OGDHL: variants seen among roughly 807,000 people sequenced by gnomAD.
The protein encoded by OGDHL is oxoglutarate dehydrogenase L, also known as 2-oxoglutarate dehydrogenase-like, mitochondrial.
In OGDHL, 79 loss-of-function variants were observed where a neutral mutation model predicts 109.6. That is an observed-to-expected ratio of 0.72 (90% CI 0.60 to 0.87). The LOEUF (loss-of-function observed/expected upper bound fraction) is 0.87. Among genes scored for constraint, OGDHL ranks in the 40% least tolerant of loss-of-function variants. The pLI, the probability that OGDHL is intolerant of heterozygous loss-of-function variation, is 0.00. For synonymous variants in OGDHL, 528 were observed against 537.2 expected (o/e 0.98, Z 0.24); for missense variants, 1,275 against 1,362.2 (o/e 0.94, Z 1.01).
chr10:49,758,360 G>T, intron 2 of OGDHL, 29 bp downstream of exon 2: 1 of 1,583,486 alleles, frequency 6.3e-7, no homozygotes, highest in South Asian at 1.2e-5. Context: ...CTCCCTTGCG[G>T]TGGCCCAGGG....
intron 20 of OGDHL, 67 bp downstream of exon 20, chr10:49,737,719 G>T (rs1189197592): frequency 6.4e-6 from 10 of 1,560,830 alleles, no homozygotes; most frequent in Non-Finnish European, 8.8e-6. Context: ...AGCCCCAGAA[G>T]CAGAAGCCAC....
chr10:49,745,090 C>T (rs1201302327), intron 12 of OGDHL, among the ~76,000 whole-genome samples: 1 of 152,254 alleles, frequency 6.6e-6, no homozygotes, highest in Non-Finnish European at 1.5e-5. Context: ...CTGCCTCCTA[C>T]AGGAAGCCTT....
chr10:49,744,339 G>A (rs778153863), intron 13 of OGDHL, among the ~76,000 whole-genome samples: 18 of 152,146 alleles, frequency 1.2e-4, no homozygotes, highest in Non-Finnish European at 2.2e-4. Flanking sequence ...CAGGGTAACA[G>A]CTCTTCTAAC....
chr10:49,756,749 C>CAGGAGCACAGTG, intron 3 of OGDHL, 27 bp downstream of exon 3: 3 of 1,601,720 alleles, frequency 1.9e-6, no homozygotes, highest in Non-Finnish European at 2.6e-6. Context: ...GTGCAGCCTC[C>CAGGAGCACAGTG]CAGGCTGTGC....
At position 49,739,625 on chromosome 10, in the gene OGDHL, AC is replaced by A. The variant is rs753957991; in HGVS notation, c.2319+35del. ...TCCCGCCCCTTCAAGGCCCGCCAGA[AC>A]CCACCAAGCCACCAGCCACCACCGC... is the stretch of plus-strand genomic sequence containing the variant. On this transcript the variant is annotated intron_variant, in intron 17 of 22. Coordinates refer to ENST00000374103, the MANE Select transcript of OGDHL (RefSeq NM_018245.3). 94 of 1,602,500 alleles carry A rather than the reference AC, an allele frequency of 5.9e-5. 2 individuals carry two copies. In the South Asian group the frequency reaches 1.1e-3, roughly 18 times the overall value.
At chr10:49,752,367 T>C in intron 4 of OGDHL, 119 bp from the exon 5 acceptor site, 1 of 801,126 alleles carries the variant, frequency 1.2e-6, no homozygotes, top group Non-Finnish European at 2.1e-6. Context: ...TCCCTCTGGG[T>C]CCAACCTGGG....
At chr10:49,758,694 G>C in intron 1 of OGDHL, 101 bp from the exon 2 acceptor site, 4 of 1,178,296 alleles carry the variant, frequency 3.4e-6, no homozygotes, top group Non-Finnish European at 4.9e-6. Flanking sequence ...CATTCCCACT[G>C]GGCAGATGGT....
At chr10:49,757,165 T>C (rs1353958833) in intron 2 of OGDHL, among the ~76,000 whole-genome samples, 1 of 152,248 alleles carries the variant, frequency 6.6e-6, no homozygotes, top group Non-Finnish European at 1.5e-5. Flanking sequence ...CATAGAAAAC[T>C]GGCTAAATAA....
chr10:49,760,453 G>T (rs751807014), intron 1 of OGDHL, among the ~76,000 whole-genome samples: 3 of 152,222 alleles, frequency 2.0e-5, no homozygotes, highest in Non-Finnish European at 4.4e-5. Context: ...AGAGAAGGTC[G>T]TGCCAGCCCA....
In OGDHL at chr10:49,740,739, T is replaced by C. The variant is rs1393771041; in HGVS notation, c.2111A>G (p.Asn704Ser). 2.5e-6 allele frequency: 4 copies of C among 1,613,830 alleles called. No individual in the cohort carries two copies. The South Asian group carries it at 4.4e-5, about 18-fold the overall frequency. Residue 704 changes from asparagine (N) to serine (S), a missense_variant, in exon 16 of 23, where the codon AAC (asparagine) becomes AGC (serine). By Grantham distance (46) the Asn-to-Ser change is conservative (BLOSUM62 1). Transcript: ENST00000374103. ...WPDQAPYTVC[N>S]SSLSEYGVLG... Reference sequence around the variant, plus strand: ...GACTCCGTACTCCGAGAGGGAGCTGTTGCACACGGTGTACGGGGCCTGGTC... The same window carrying C: ...GACTCCGTACTCCGAGAGGGAGCTGCTGCACACGGTGTACGGGGCCTGGTC...
At chr10:49,748,383 ATG>A (rs372797706) in intron 8 of OGDHL, among the ~76,000 whole-genome samples, 175 of 152,336 alleles carry the variant, frequency 1.1e-3, no homozygotes, top group African/African-American at 4.1e-3. Flanking sequence ...TCAGCATGAA[ATG>A]TTTCTAGAAG....
At position 49,744,662 on chromosome 10, in the gene OGDHL, A is replaced by C. The variant is rs1226729118; in HGVS notation, c.1720T>G (p.Ser574Ala). ...KILHIKHWLD[S>A]PWPGFFNVDG... ...ACTGCTCGCTCACCAGGCCAGGGGG[A>C]GTCCAACCAGTGCTTTATATGCAGA... Residue 574 changes from serine (S) to alanine (A), a missense_variant, in exon 13 of 23, where the codon TCC becomes GCC. Ser to Ala is a moderately conservative substitution (Grantham distance 99). Transcript: ENST00000374103. The C allele has an allele frequency of 6.2e-7, 1 of 1,613,674 alleles. No homozygotes were observed. The highest frequency in any genetic ancestry group is 8.5e-7 in the Non-Finnish European group (1 of 1,179,600).
Position 49,738,065 on chromosome 10 carries a change from G to C in OGDHL, c.2399C>G (p.Thr800Ser). The change falls in exon 19 of 23, where the codon ACC becomes AGC. Residue 800 changes from threonine (T) to serine (S), a missense_variant. Physicochemically the swap from Thr to Ser is moderately conservative, Grantham distance 58. Coordinates refer to ENST00000374103, the MANE Select transcript of OGDHL (RefSeq NM_018245.3). ...GAGCTGGCTCACCTCGAAGTCCTTG[G>C]TGAATGCCTGTGGGGACGAGATGCA... ...NDDSDAYPAF[T>S]KDFEVSQLYD... The C allele has an allele frequency of 6.2e-7, 1 of 1,614,168 alleles. No individual in the cohort carries two copies. The highest frequency in any genetic ancestry group is 1.3e-5 in the African/African-American group (1 of 75,050).
intron 7 of OGDHL, 105 bp downstream of exon 7, chr10:49,750,734 C>A (rs1002670926): frequency 7.1e-7 from 1 of 1,408,680 alleles, no homozygotes; most frequent in Non-Finnish European, 9.4e-7. Context: ...ACCTCTACCC[C>A]CAGGTCCCAC....
chr10:49,744,707 T>C lies in OGDHL; in HGVS notation c.1675A>G (p.Arg559Gly). Residue 559 changes from arginine (R) to glycine (G), a missense_variant, in exon 13 of 23, where the codon AGG becomes GGG. Arg to Gly is a moderately radical substitution (Grantham distance 125). Coordinates refer to ENST00000374103, the MANE Select transcript of OGDHL (RefSeq NM_018245.3). ...YDRICEEAYG[R>G]SKDKKILHIK... Reference sequence around the variant, plus strand: ...TGCAGAATCTTTTTATCCTTGGACCTGCCATAAGCCTCCTCACAGATCCGG... The same window carrying C: ...TGCAGAATCTTTTTATCCTTGGACCCGCCATAAGCCTCCTCACAGATCCGG... 6.2e-7 allele frequency: 1 copy of C among 1,614,208 alleles called. No homozygotes were observed.
chr10:49,743,017 G>A, intron 14 of OGDHL, 39 bp from the exon 15 acceptor site: 1 of 1,603,760 alleles, frequency 6.2e-7, no homozygotes, highest in Non-Finnish European at 8.5e-7. Context: ...CCAAGGGACA[G>A]CCAGCCCTGG....
intron 16 of OGDHL, among the ~76,000 whole-genome samples, chr10:49,740,194 G>T (rs1328117230): frequency 2.0e-5 from 3 of 152,112 alleles, no homozygotes; most frequent in African/African-American, 7.2e-5. Context: ...GGGGCGGGGG[G>T]CTGCCTGGCC....
At chr10:49,738,668 T>A (rs984028769) in intron 17 of OGDHL, 2 of 227,310 alleles carry the variant, frequency 8.8e-6, no homozygotes, top group East Asian at 2.2e-4. Context: ...ACTGCACAGA[T>A]GAAGAGGCAA....
rs186715555 is a variant in OGDHL at position 49,756,068 on chromosome 10, G to A, written c.375+708C>T. The stretch of plus-strand genomic sequence containing the variant: ...CCACAGATTGGGCAGCTCATTCAGA[G>A]GCAAAGCATCATTTCCATTTGCTAA... On this transcript the variant is annotated intron_variant, in intron 3 of 22. Coordinates refer to ENST00000374103, the MANE Select transcript of OGDHL (RefSeq NM_018245.3). Among the ~76,000 whole-genome samples, 480 of 152,338 alleles carry A rather than the reference G, an allele frequency of 3.2e-3. 1 individual carries two copies. The highest frequency in any genetic ancestry group is 0.011 in the African/African-American group (455 of 41,570).
Sources: allele counts gnomAD v4.1 joint callset (sites outside exome capture counted in the v4.1 genomes callset), GRCh38; gene constraint gnomAD v4.1.1; transcripts MANE v1.5; gene names NCBI Gene and HGNC (gene_info 2026-07-23, HGNC 2026-07-21).